GABPA: variants seen among roughly 807,000 people sequenced by gnomAD.
GABPA encodes the protein GA binding protein transcription factor subunit alpha, also known as GA-binding protein alpha chain.
Under a neutral mutation model 59.4 loss-of-function variants are expected in GABPA, and 4 were observed. That is an observed-to-expected ratio of 0.07 (90% confidence interval 0.03 to 0.15). The LOEUF (loss-of-function observed/expected upper bound fraction) is 0.15, where lower values mean the gene tolerates loss of function less well. GABPA is among the 10% of genes least tolerant of loss of function. The pLI is 1.00. For synonymous variants in GABPA, 164 were observed against 183.1 expected (o/e 0.90, Z 0.84); for missense variants, 251 against 543.8 (o/e 0.46, Z 5.36).
intron 5 of GABPA, among the ~76,000 whole-genome samples, chr21:25,754,459 C>T (rs1396112690): frequency 1.3e-5 from 2 of 152,050 alleles, no homozygotes; most frequent in Non-Finnish European, 2.9e-5. Flanking sequence ...TACCTATCTG[C>T]ACTACTTTCT....
chr21:25,755,833 T>C (rs1037327552), intron 5 of GABPA, among the ~76,000 whole-genome samples: 1 of 152,220 alleles, frequency 6.6e-6, no homozygotes, highest in African/African-American at 2.4e-5. Context: ...GCTTTAAGCC[T>C]CTTGCTACTC....
rs1366965382 is a variant in GABPA, at chr21:25,764,253, T to C, written c.846T>C (p.Thr282=). 3 of 1,611,450 alleles carry C rather than the reference T, an allele frequency of 1.9e-6. No homozygotes were observed. Among genetic ancestry groups the C allele is most frequent in the East Asian group, 2.2e-5 (1 of 44,836 alleles). Residue 282 remains threonine (T), a synonymous_variant, in exon 8 of 10, where the codon ACT becomes ACC. Transcript: ENST00000400075. Reference sequence around the variant, plus strand: ...CATCAGTGCAATCTGCTACACCTACTACCATTAAAGTTATAAATAGTAGTG... The same window carrying C: ...CATCAGTGCAATCTGCTACACCTACCACCATTAAAGTTATAAATAGTAGTG... ...IPASVQSATP[T]TIKVINSSAK...
intron 9 of GABPA, among the ~76,000 whole-genome samples, chr21:25,766,181 C>T (rs543911655): frequency 1.3e-5 from 2 of 152,032 alleles, no homozygotes; most frequent in African/African-American, 4.8e-5. Flanking sequence ...AGGAAACGAC[C>T]TGCTTTTCAA....
rs116790277 is a variant in GABPA at position 25,737,675 on chromosome 21, A to G, written c.-27+2097A>G. On this transcript the variant is annotated intron_variant, in intron 1 of 9. Coordinates refer to ENST00000400075, the MANE Select transcript of GABPA (RefSeq NM_002040.4). ...TAGGGCCACTTCTCAGCCTCTGGCT[A>G]CATCATAATGCTTTTTTTTCTATCT... Among the ~76,000 whole-genome samples the G allele has an allele frequency of 4.6e-3, 706 of 152,344 alleles. 6 individuals carry two copies. The highest frequency in any genetic ancestry group is 0.013 in the African/African-American group (559 of 41,570).
intron 5 of GABPA, among the ~76,000 whole-genome samples, chr21:25,756,330 T>C (rs963186104): frequency 5.3e-5 from 8 of 152,204 alleles, no homozygotes; most frequent in African/African-American, 1.7e-4. Flanking sequence ...GGCAACTTTC[T>C]TTTTCAGTTC....
intron 1 of GABPA, among the ~76,000 whole-genome samples, chr21:25,736,888 C>T (rs71649654): frequency 2.0e-5 from 3 of 152,150 alleles, no homozygotes; most frequent in Non-Finnish European, 4.4e-5. Context: ...TTTTAATTTC[C>T]TCAGACACAG....
chr21:25,751,754 TTG>T (rs2035518401), intron 4 of GABPA, among the ~76,000 whole-genome samples: 1 of 152,098 alleles, frequency 6.6e-6, no homozygotes, highest in East Asian at 1.9e-4. Flanking sequence ...TAGGTAGGGT[TTG>T]TGTGTGTGTC....
At chr21:25,746,203 C>T (rs549697112) in intron 3 of GABPA, among the ~76,000 whole-genome samples, 34 of 152,018 alleles carry the variant, frequency 2.2e-4, no homozygotes, top group African/African-American at 6.0e-4. Flanking sequence ...TTAGTAGACA[C>T]GGGGTTTTGC....
chr21:25,740,693 C>T (rs1262087587), intron 1 of GABPA, among the ~76,000 whole-genome samples: 1 of 152,058 alleles, frequency 6.6e-6, no homozygotes, highest in Non-Finnish European at 1.5e-5. Flanking sequence ...ATAAAACCAC[C>T]TCTGAAAAAA....
At position 25,772,189 on chromosome 21, in the gene GABPA, A is replaced by G. The variant is rs561155417; in HGVS notation, c.*2957A>G. The G allele has an allele frequency of 6.6e-6, 1 of 152,232 alleles. No individual in the cohort carries two copies. The highest frequency in any genetic ancestry group is 2.4e-5 in the African/African-American group (1 of 41,574). 9.4% of individuals were successfully genotyped at this position (152,232 alleles called of 1,614,324 possible). A position where few individuals can be genotyped will look rare whatever the true frequency, so the allele number is the denominator to read the frequency against. ...ATGTCTTCAGATCTAAAGGGTGTAA[A>G]AATATTGATACTTCAATATTTCACT... On this transcript the variant is annotated 3_prime_UTR_variant, in exon 10 of 10. Transcript: ENST00000400075.
chr21:25,759,262 ATGACTACAACATACTCTGAC>A (rs1168334583), intron 6 of GABPA, among the ~76,000 whole-genome samples: 1 of 152,196 alleles, frequency 6.6e-6, no homozygotes, highest in East Asian at 1.9e-4. Context: ...TTCAGAACAC[ATGACTACAACATACTCTGAC>A]TTTGCTTTTG....
chr21:25,769,564 A>G lies in GABPA; in HGVS notation c.*332A>G, dbSNP rs1342037219. The G allele has an allele frequency of 5.5e-6, 1 of 181,308 alleles. No homozygotes were observed. The highest frequency in any genetic ancestry group is 2.4e-5 in the African/African-American group (1 of 42,316). 11.2% of individuals were successfully genotyped at this position (181,308 alleles called of 1,614,324 possible). A position where few individuals can be genotyped will look rare whatever the true frequency, so the allele number is the denominator to read the frequency against. ...AGCCAGTAGTATCTGAAAATGAAAA[A>G]TAAATGAAGTATCTCTAGGAAACAG... On this transcript the variant is annotated 3_prime_UTR_variant, in exon 10 of 10. Transcript: ENST00000400075.
At chr21:25,763,049 G>T in intron 7 of GABPA, 1 of 380,608 alleles carries the variant, frequency 2.6e-6, no homozygotes. Context: ...TCTATATTGG[G>T]TACTGTACTT....
chr21:25,757,950 C>T lies in GABPA; in HGVS notation c.554-60C>T, dbSNP rs1299728458. 19 of 906,380 alleles carry T rather than the reference C, an allele frequency of 2.1e-5. No individual in the cohort carries two copies. The East Asian group carries it at 6.2e-4, about 29-fold the overall frequency. 56.1% of individuals were successfully genotyped at this position (906,380 alleles called of 1,614,324 possible). On this transcript the variant is annotated intron_variant, in intron 5 of 9. Coordinates refer to ENST00000400075, the MANE Select transcript of GABPA (RefSeq NM_002040.4). ...GTATGTGTGTGTATTGAGAAGTTAA[C>T]TGTAAATTTACACAGTATCTAAAAT...
At chr21:25,745,941 A>C (rs2035351726) in intron 3 of GABPA, among the ~76,000 whole-genome samples, 1 of 152,218 alleles carries the variant, frequency 6.6e-6, no homozygotes, top group African/African-American at 2.4e-5. Context: ...GTAGCAGCCT[A>C]AATAGGATTG....
chr21:25,764,854 C>T, intron 9 of GABPA, 67 bp downstream of exon 9: 1 of 1,170,912 alleles, frequency 8.5e-7, no homozygotes, highest in African/African-American at 1.6e-5. Flanking sequence ...GTTTCTTATT[C>T]TAGATGTAAT....
intron 9 of GABPA, 23 bp from the exon 10 acceptor site, chr21:25,768,981 A>G (rs7276647): frequency 0.12 from 184,793 of 1,520,644 alleles, 11,966 homozygotes; most frequent in East Asian, 0.3. Context: ...TGAAGTCTCT[A>G]ATTTTTTTTT....
chr21:25,762,078 A>G (rs910562960), intron 6 of GABPA, among the ~76,000 whole-genome samples: 1 of 152,184 alleles, frequency 6.6e-6, no homozygotes, highest in Non-Finnish European at 1.5e-5. Flanking sequence ...TTTACTGAAC[A>G]CTAAAAGACA....
At chr21:25,753,654 A>G (rs2035566410) in intron 5 of GABPA, among the ~76,000 whole-genome samples, 1 of 152,216 alleles carries the variant, frequency 6.6e-6, no homozygotes, top group African/African-American at 2.4e-5. Flanking sequence ...AGACAGAAGT[A>G]ACTAGAGTTG....
Sources: gnomAD v4.1 joint callset for allele counts (sites outside exome capture counted in the v4.1 genomes callset) on GRCh38, gnomAD v4.1.1 for gene constraint, MANE v1.5 for transcripts, NCBI Gene and HGNC (gene_info 2026-07-23, HGNC 2026-07-21) for gene names.